Variants in SLC6A6 observed in about 807,000 individuals in gnomAD.
SLC6A6 encodes sodium- and chloride-dependent taurine transporter.
In SLC6A6, 16 loss-of-function variants were observed where a neutral mutation model predicts 68.8. The observed-to-expected ratio is 0.23, with a 90% CI of 0.16 to 0.35. SLC6A6 has a LOEUF of 0.35. Ranked by LOEUF, SLC6A6 falls within the 10% of genes least tolerant of loss-of-function variation. The pLI is 1.00. For missense variants in SLC6A6, 474 were observed against 802.8 expected (o/e 0.59, Z 4.95); for synonymous variants, 312 against 315.4 (o/e 0.99, Z 0.12).
intron 2 of SLC6A6, among the ~76,000 whole-genome samples, chr3:14,426,535 C>T (rs985701660): frequency 1.2e-4 from 18 of 152,088 alleles, no homozygotes; most frequent in South Asian, 2.1e-4. Context: ...TCGCTACTTT[C>T]GGACTAATTA....
At chr3:14,412,229 G>A (rs1699266555) in intron 1 of SLC6A6, among the ~76,000 whole-genome samples, 1 of 152,212 alleles carries the variant, frequency 6.6e-6, no homozygotes, top group South Asian at 2.1e-4. Context: ...GCTCTGAAAG[G>A]AGGTGTCCCG....
chr3:14,479,029 A>T lies in SLC6A6; in HGVS notation c.1451-56A>T, dbSNP rs1480556300. ...CCAGAGACCCCACTCATGGCCCCTG[A>T]GCTGCTGCTGGCCTTGAACGCTGTG... On this transcript the variant is annotated intron_variant, in intron 12 of 14. Transcript: ENST00000622186. 2.7e-6 allele frequency: 3 copies of T among 1,119,192 alleles called. No homozygotes were observed. In the East Asian group the frequency reaches 7.0e-5, roughly 26 times the overall value. The allele number at this position is 1,119,192 out of a possible 1,614,324, so 69.3% of individuals were successfully genotyped here. A position where few individuals can be genotyped will look rare whatever the true frequency, so the allele number is the denominator to read the frequency against.
chr3:14,432,084 G>T (rs1040257410), intron 2 of SLC6A6, among the ~76,000 whole-genome samples: 1 of 152,178 alleles, frequency 6.6e-6, no homozygotes, highest in Non-Finnish European at 1.5e-5. Context: ...GCTCCTGCAC[G>T]TGCACCCTTA....
chr3:14,445,966 A>G (rs1238105893), intron 4 of SLC6A6, 115 bp downstream of exon 4: 17 of 1,023,690 alleles, frequency 1.7e-5, no homozygotes, highest in Non-Finnish European at 2.2e-5. Context: ...ACTTAGCTCT[A>G]TGCTGACACA....
chr3:14,456,418 C>T (rs910684557), intron 5 of SLC6A6, among the ~76,000 whole-genome samples: 4 of 152,182 alleles, frequency 2.6e-5, no homozygotes, highest in African/African-American at 7.2e-5. Context: ...ATTCACTCAA[C>T]AGGTCTTTAT....
intron 2 of SLC6A6, among the ~76,000 whole-genome samples, chr3:14,435,323 A>C (rs1699826780): frequency 6.6e-6 from 1 of 152,178 alleles, no homozygotes; most frequent in Non-Finnish European, 1.5e-5. Flanking sequence ...AGTGTGATCC[A>C]GGCAGGAGGC....
intron 2 of SLC6A6, among the ~76,000 whole-genome samples, chr3:14,436,865 C>T (rs987761379): frequency 6.6e-6 from 1 of 152,222 alleles, no homozygotes; most frequent in Non-Finnish European, 1.5e-5. Flanking sequence ...TGAGCCCCGT[C>T]TCCATCATGT....
intron 6 of SLC6A6, among the ~76,000 whole-genome samples, chr3:14,465,509 G>GT (rs908397593): frequency 1.3e-5 from 2 of 152,232 alleles, no homozygotes; most frequent in African/African-American, 4.8e-5. Flanking sequence ...CACCTACTGA[G>GT]TGGCAGTGTT....
intron 1 of SLC6A6, among the ~76,000 whole-genome samples, chr3:14,405,120 G>A (rs1176873586): frequency 1.3e-5 from 2 of 152,164 alleles, no homozygotes; most frequent in Non-Finnish European, 2.9e-5. Flanking sequence ...TGATATCCTC[G>A]GGAGTTGAAA....
At chr3:14,447,493 G>C in intron 4 of SLC6A6, 89 bp from the exon 5 acceptor site, 1 of 1,553,388 alleles carries the variant, frequency 6.4e-7, no homozygotes, top group Non-Finnish European at 8.8e-7. Context: ...CTGGGGCCTG[G>C]GGATACCATG....
rs1165410720 is a variant in SLC6A6 at position 14,402,947 on chromosome 3, C to G, written c.-54+100C>G. On this transcript the variant is annotated intron_variant, in intron 1 of 14. Coordinates refer to ENST00000622186, the MANE Select transcript of SLC6A6 (RefSeq NM_003043.6). The surrounding 1 kb of genome is among the most constrained non-coding windows in gnomAD (Gnocchi z 4.8). ...GCCGCAGTCCCGGCCTCCTCCCCTC[C>G]GCGTGCGCCCATCCGGCGCCCCTTT... is the stretch of plus-strand genomic sequence containing the variant. 1 of 383,542 alleles carries G rather than the reference C, an allele frequency of 2.6e-6. No homozygotes were observed. The highest frequency in any genetic ancestry group is 3.8e-5 in the East Asian group (1 of 26,664). The allele number at this position is 383,542 out of a possible 1,614,324, so 23.8% of individuals were successfully genotyped here.
chr3:14,455,619 G>A (rs371177501), intron 5 of SLC6A6, among the ~76,000 whole-genome samples: 3 of 152,196 alleles, frequency 2.0e-5, no homozygotes, highest in Non-Finnish European at 2.9e-5. Flanking sequence ...CCTTTGAGAC[G>A]GAGGATAGTG....
intron 2 of SLC6A6, among the ~76,000 whole-genome samples, chr3:14,422,515 A>C (rs946087241): frequency 6.6e-6 from 1 of 152,096 alleles, no homozygotes; most frequent in Non-Finnish European, 1.5e-5. Context: ...TCCTCCACTA[A>C]GTCAGGCACA....
At chr3:14,467,093 G>A (rs1294459683) in intron 7 of SLC6A6, among the ~76,000 whole-genome samples, 1 of 152,164 alleles carries the variant, frequency 6.6e-6, no homozygotes, top group South Asian at 2.1e-4. Context: ...GAGGGTCCAC[G>A]GGCAGATACC....
chr3:14,474,793 T>A (rs1425199553), intron 10 of SLC6A6, among the ~76,000 whole-genome samples: 3 of 152,146 alleles, frequency 2.0e-5, no homozygotes, highest in Non-Finnish European at 4.4e-5. Flanking sequence ...AACTTCCTCC[T>A]GTTGGAAGTA....
chr3:14,458,174 C>T, intron 6 of SLC6A6, 92 bp downstream of exon 6: 2 of 1,213,258 alleles, frequency 1.6e-6, no homozygotes, highest in Non-Finnish European at 2.4e-6. Flanking sequence ...AGCCACGCCC[C>T]AAGAGGGAGG....
At chr3:14,456,926 C>T (rs1313364330) in intron 5 of SLC6A6, among the ~76,000 whole-genome samples, 3 of 152,234 alleles carry the variant, frequency 2.0e-5, no homozygotes, top group African/African-American at 7.2e-5. Context: ...GCCCAGTGGG[C>T]AGGGCCGATG....
At chr3:14,446,791 A>G (rs1700131769) in intron 4 of SLC6A6, among the ~76,000 whole-genome samples, 1 of 152,234 alleles carries the variant, frequency 6.6e-6, no homozygotes, top group South Asian at 2.1e-4. Context: ...AATGCTTTGT[A>G]CACAGTCAGC....
chr3:14,469,941 G>T (rs1019805365), intron 9 of SLC6A6, among the ~76,000 whole-genome samples: 1 of 152,144 alleles, frequency 6.6e-6, no homozygotes, highest in Non-Finnish European at 1.5e-5. Flanking sequence ...CCAAAAGCAG[G>T]CCAGAGACTG....
Sources: allele counts gnomAD v4.1 joint callset (sites outside exome capture counted in the v4.1 genomes callset), GRCh38; gene constraint gnomAD v4.1.1; non-coding constraint Gnocchi (gnomAD v3.1); transcripts MANE v1.5; gene names NCBI Gene and HGNC (gene_info 2026-07-23, HGNC 2026-07-21).